PDS5A: variants seen among roughly 807,000 people sequenced by gnomAD.
PDS5A encodes the protein sister chromatid cohesion protein PDS5 homolog A.
In PDS5A, 42 loss-of-function variants were observed where a neutral mutation model predicts 167.1. The observed-to-expected ratio is 0.25, with a 90% CI of 0.20 to 0.33. The LOEUF (loss-of-function observed/expected upper bound fraction) is 0.33, where lower values mean the gene tolerates loss of function less well. PDS5A is among the 10% of genes least tolerant of loss of function. The pLI, the probability that PDS5A is intolerant of heterozygous loss-of-function variation, is 1.00. For missense variants in PDS5A, 1,033 were observed against 1,605.9 expected (o/e 0.64, Z 6.10); for synonymous variants, 553 against 554.6 (o/e 1.00, Z 0.04).
chr4:39,856,875 A>C (rs1309551439), intron 26 of PDS5A, among the ~76,000 whole-genome samples: 1 of 152,152 alleles, frequency 6.6e-6, no homozygotes, highest in East Asian at 1.9e-4. Context: ...GTAACTGTAA[A>C]TCTAAATCTA....
intron 26 of PDS5A, among the ~76,000 whole-genome samples, chr4:39,852,243 G>T (rs1006442113): frequency 1.3e-5 from 2 of 152,012 alleles, no homozygotes; most frequent in Non-Finnish European, 2.9e-5. Flanking sequence ...ATACATATAT[G>T]TATTATAAAA....
chr4:39,910,227 T>C lies in PDS5A; in HGVS notation c.1087+17A>G, dbSNP rs573551896. On this transcript the variant is annotated intron_variant, in intron 10 of 32. Coordinates refer to ENST00000303538, the MANE Select transcript of PDS5A (RefSeq NM_001100399.2). ...TGTATGGTTATGCTAATATGTGTAA[T>C]AAACCAGCTAGCTTACCTGTGAGAT... is the stretch of plus-strand genomic sequence containing the variant. The C allele has an allele frequency of 2.1e-4, 292 of 1,359,462 alleles. 4 individuals carry two copies. In the South Asian group the frequency reaches 3.3e-3, roughly 16 times the overall value. The allele number at this position is 1,359,462 out of a possible 1,614,324, so 84.2% of individuals were successfully genotyped here.
chr4:39,880,541 T>C (rs1720841818), intron 17 of PDS5A, among the ~76,000 whole-genome samples: 1 of 152,186 alleles, frequency 6.6e-6, no homozygotes, highest in African/African-American at 2.4e-5. Flanking sequence ...CATTCAATTA[T>C]TATTACAAAT....
chr4:39,831,748 A>G (rs1715890973), intron 32 of PDS5A, among the ~76,000 whole-genome samples: 1 of 151,640 alleles, frequency 6.6e-6, no homozygotes, highest in Non-Finnish European at 1.5e-5. Flanking sequence ...TTGGTGGCGC[A>G]TGCCTGTAAT....
rs757916645 is a variant in PDS5A, at chr4:39,976,583, G to T, written c.-6C>A. 2 of 1,607,952 alleles carry T rather than the reference G, an allele frequency of 1.2e-6. No homozygotes were observed. Among genetic ancestry groups the T allele is most frequent in the Non-Finnish European group, 1.7e-6 (2 of 1,175,702 alleles). On this transcript the variant is annotated 5_prime_UTR_variant, in exon 2 of 33. Coordinates refer to ENST00000303538, the MANE Select transcript of PDS5A (RefSeq NM_001100399.2). Reference sequence around the variant, plus strand: ...GGCTGCGCGGTGAAGTCCATCCTGGGGGACAACTTTTGGTTCACAGTCCTC... The same window carrying T: ...GGCTGCGCGGTGAAGTCCATCCTGGTGGACAACTTTTGGTTCACAGTCCTC...
intron 31 of PDS5A, among the ~76,000 whole-genome samples, chr4:39,841,574 G>C (rs1418892723): frequency 7.1e-6 from 1 of 140,908 alleles, no homozygotes; most frequent in Non-Finnish European, 1.6e-5. Flanking sequence ...GTACAATGGC[G>C]TTATCTCAGC....
chr4:39,857,518 C>T (rs959615119), intron 26 of PDS5A, among the ~76,000 whole-genome samples: 4 of 152,006 alleles, frequency 2.6e-5, no homozygotes, highest in Non-Finnish European at 5.9e-5. Context: ...TTTTGCAAAA[C>T]TAACTCCTTC....
intron 2 of PDS5A, among the ~76,000 whole-genome samples, chr4:39,940,107 AT>A (rs1246283173): frequency 1.3e-5 from 2 of 151,646 alleles, no homozygotes; most frequent in African/African-American, 4.8e-5. Context: ...AAAATACAAA[AT>A]TTAGCCGGGC....
In PDS5A at chr4:39,977,831, C is replaced by G. The variant is rs1401249749; in HGVS notation, c.-415G>C. The stretch of plus-strand genomic sequence containing the variant: ...CGGACCCGGACGCCCCTCGCAGAGG[C>G]GCGCGCCCGGCCGTCCGTGCCCCGG... On this transcript the variant is annotated 5_prime_UTR_variant, in exon 1 of 33. Transcript: ENST00000303538. This position sits in a 1 kb window ranked among gnomAD's most constrained non-coding sequence, Gnocchi z 4.2. 2.7e-5 allele frequency: 4 copies of G among 149,578 alleles called. No homozygotes were observed. Among genetic ancestry groups the G allele is most frequent in the South Asian group, 4.1e-4 (2 of 4,830 alleles). The allele number at this position is 149,578 out of a possible 1,614,324, so 9.3% of individuals were successfully genotyped here.
At chr4:39,967,993 A>C (rs1161442934) in intron 2 of PDS5A, among the ~76,000 whole-genome samples, 1 of 152,230 alleles carries the variant, frequency 6.6e-6, no homozygotes, top group African/African-American at 2.4e-5. Flanking sequence ...AGCAAGAAAG[A>C]AAGAAACAAA....
At chr4:39,831,936 G>A (rs1323799648) in intron 32 of PDS5A, among the ~76,000 whole-genome samples, 1 of 134,890 alleles carries the variant, frequency 7.4e-6, no homozygotes, top group African/African-American at 2.7e-5. Context: ...CCAACACGGT[G>A]AAACCCGTCT....
At chr4:39,961,014 G>A (rs1375198202) in intron 2 of PDS5A, among the ~76,000 whole-genome samples, 1 of 149,992 alleles carries the variant, frequency 6.7e-6, no homozygotes, top group African/African-American at 2.5e-5. Context: ...GTAGAGGTGG[G>A]GGTCTCACCG....
chr4:39,903,128 G>A (rs1723021525), intron 12 of PDS5A, among the ~76,000 whole-genome samples: 1 of 152,208 alleles, frequency 6.6e-6, no homozygotes, highest in South Asian at 2.1e-4. Context: ...ATGATCCGCG[G>A]TAGAGCTAAT....
Position 39,904,063 on chromosome 4 carries a change from A to G in PDS5A, c.1362T>C (p.Tyr454=), listed in dbSNP as rs1269116926. ...SWIKDKLLHI[Y]YQNSIDDKLL... ...ACTTGTCGTCAATGCTGTTCTGATA[A>G]TAAATATGCAGAAGTTTGTCCTTTA... Residue 454 remains tyrosine (Y), a synonymous_variant, in exon 12 of 33, where the codon TAT becomes TAC. Coordinates refer to ENST00000303538, the MANE Select transcript of PDS5A (RefSeq NM_001100399.2). 3.1e-6 allele frequency: 5 copies of G among 1,610,960 alleles called. No homozygotes were observed. Among genetic ancestry groups the G allele is most frequent in the Non-Finnish European group, 4.2e-6 (5 of 1,178,320 alleles).
chr4:39,874,849 TA>T (rs1720333416), intron 19 of PDS5A, among the ~76,000 whole-genome samples: 1 of 152,142 alleles, frequency 6.6e-6, no homozygotes, highest in African/African-American at 2.4e-5. Flanking sequence ...GAAATAATAC[TA>T]GTGAAAGAAA....
At chr4:39,913,048 T>C (rs561803953) in intron 9 of PDS5A, among the ~76,000 whole-genome samples, 7 of 152,110 alleles carry the variant, frequency 4.6e-5, no homozygotes, top group African/African-American at 1.4e-4. Context: ...TCTTAAGACT[T>C]AGAATATACT....
chr4:39,829,834 C>G (rs1054326929), intron 32 of PDS5A, among the ~76,000 whole-genome samples: 3 of 151,044 alleles, frequency 2.0e-5, no homozygotes, highest in African/African-American at 7.3e-5. Context: ...GCCTGTGGTC[C>G]CAGCTACTCA....
chr4:39,891,379 T>C (rs1302097394), intron 16 of PDS5A, among the ~76,000 whole-genome samples: 1 of 151,170 alleles, frequency 6.6e-6, no homozygotes, highest in South Asian at 2.1e-4. Flanking sequence ...CGGGCGCAGG[T>C]GGCTCACGCC....
chr4:39,931,930 C>T (rs541141463), intron 2 of PDS5A, among the ~76,000 whole-genome samples: 2 of 147,032 alleles, frequency 1.4e-5, no homozygotes, highest in South Asian at 2.1e-4. Context: ...CTTGCTCTGT[C>T]GCCCAGGCTA....
Sources: allele counts gnomAD v4.1 joint callset (sites outside exome capture counted in the v4.1 genomes callset), GRCh38; gene constraint gnomAD v4.1.1; non-coding constraint Gnocchi (gnomAD v3.1); transcripts MANE v1.5; gene names NCBI Gene and HGNC (gene_info 2026-07-23, HGNC 2026-07-21).